ETV7: variants seen among roughly 807,000 people sequenced by gnomAD.
The protein encoded by ETV7 is transcription factor ETV7.
A neutral mutation model predicts 39.1 loss-of-function variants in ETV7; 43 were observed. The ratio of observed to expected loss-of-function variants is 1.10; its 90% confidence interval spans 0.86 to 1.42. The LOEUF is 1.42. ETV7 is among the 40% of genes most tolerant of loss of function. The probability of loss-of-function intolerance (pLI) is 0.00; values close to 1 mark genes in which losing one functional copy is unlikely to be tolerated. For synonymous variants in ETV7, 196 were observed against 176.6 expected (o/e 1.11, Z -0.87); for missense variants, 432 against 442.3 (o/e 0.98, Z 0.21).
chr6:36,373,784 T>A (rs973122601), intron 3 of ETV7, among the ~76,000 whole-genome samples: 3 of 152,240 alleles, frequency 2.0e-5, no homozygotes, highest in Non-Finnish European at 4.4e-5. Context: ...GGTGGATGAA[T>A]TTTAGAAAGA....
intron 2 of ETV7, among the ~76,000 whole-genome samples, chr6:36,380,621 T>C (rs540045939): frequency 2.6e-5 from 4 of 152,304 alleles, no homozygotes; most frequent in African/African-American, 9.6e-5. Flanking sequence ...CTCCCAGCTA[T>C]ATCACGTCCA....
Position 36,387,616 on chromosome 6 carries a change from C to G in ETV7, c.-75G>C. ...TGGCTGTGGCTGCTGGGGCCCTAGG[C>G]CCGCGCCCCGCAGTCCTCCTCCGCC... On this transcript the variant is annotated 5_prime_UTR_variant, in exon 1 of 8. Transcript: ENST00000340181. 1.3e-6 allele frequency: 2 copies of G among 1,559,530 alleles called. No individual in the cohort carries two copies. Among genetic ancestry groups the G allele is most frequent in the Non-Finnish European group, 1.8e-6 (2 of 1,136,324 alleles).
Position 36,368,961 on chromosome 6 carries a change from T to C in ETV7, c.775A>G (p.Asn259Asp), listed in dbSNP as rs921158136. ...TTTCCCCAGAGTCTGGCGAGCCCAT[T>C]TGGATCCACAACTCGGAAGATCTTG... ...DAKIFRVVDP[N>D]GLARLWGNHK... is the part of the protein sequence containing the mutation. Residue 259 changes from asparagine (N) to aspartate (D), a missense_variant, in exon 6 of 8, where the codon AAT (asparagine) becomes GAT (aspartate). Coordinates refer to ENST00000340181, the MANE Select transcript of ETV7 (RefSeq NM_016135.4). The C allele has an allele frequency of 6.2e-7, 1 of 1,614,126 alleles. No homozygotes were observed. Among genetic ancestry groups the C allele is most frequent in the Non-Finnish European group, 8.5e-7 (1 of 1,180,014 alleles).
rs1401687854 is a variant in ETV7 at position 36,385,610 on chromosome 6, G to A, written c.66C>T (p.Thr22=). The change falls in exon 2 of 8, where the codon ACC becomes ACT. Residue 22 remains threonine (T), a synonymous_variant. Coordinates refer to ENST00000340181, the MANE Select transcript of ETV7 (RefSeq NM_016135.4). ...SPVAAMPPLG[T]HVQARCEAQI... Reference sequence around the variant, plus strand: ...GAGCTTCACATCTGGCTTGCACGTGGGTGCCTAGGGGAGGCATGGCTGCCA... The same window carrying A: ...GAGCTTCACATCTGGCTTGCACGTGAGTGCCTAGGGGAGGCATGGCTGCCA... The A allele has an allele frequency of 1.2e-6, 2 of 1,614,072 alleles. No homozygotes were observed. Among genetic ancestry groups the A allele is most frequent in the African/African-American group, 2.7e-5 (2 of 74,930 alleles).
intron 4 of ETV7, among the ~76,000 whole-genome samples, 155 bp from the exon 5 acceptor site, chr6:36,371,715 G>A (rs1177575899): frequency 6.6e-6 from 1 of 152,220 alleles, no homozygotes; most frequent in Non-Finnish European, 1.5e-5. Context: ...GGCAGTGGGG[G>A]GCAGTGGGTG....
chr6:36,369,390 A>G (rs1772892487), intron 5 of ETV7, among the ~76,000 whole-genome samples: 1 of 152,224 alleles, frequency 6.6e-6, no homozygotes. Context: ...TCCACCCAGC[A>G]TCAGAGCCAT....
chr6:36,370,129 G>C (rs949328398), intron 5 of ETV7, among the ~76,000 whole-genome samples: 1 of 152,136 alleles, frequency 6.6e-6, no homozygotes, highest in African/African-American at 2.4e-5. Flanking sequence ...CAAAAGCCAG[G>C]CTTCTGCCCA....
chr6:36,355,397 T>C (rs1443508176), intron 7 of ETV7, among the ~76,000 whole-genome samples: 1 of 148,506 alleles, frequency 6.7e-6, no homozygotes, highest in Non-Finnish European at 1.5e-5. Flanking sequence ...TTCATAGACT[T>C]TTTTTTTTTT....
intron 1 of ETV7, among the ~76,000 whole-genome samples, chr6:36,385,935 G>A (rs1013820493): frequency 3.3e-5 from 5 of 152,158 alleles, no homozygotes; most frequent in African/African-American, 1.2e-4. Flanking sequence ...GCCAAGACTT[G>A]TATGATTGAA....
At position 36,371,504 on chromosome 6, in the gene ETV7, C is replaced by T. The variant is rs1428938210; in HGVS notation, c.490G>A (p.Asp164Asn). Residue 164 changes from aspartate to asparagine, a missense_variant, in exon 5 of 8, where the codon GAC becomes AAC. By Grantham distance (23) the Asp-to-Asn change is conservative. Transcript: ENST00000340181. ...CCGAAGTTGCTGGTAAGCCCTGGGT[C>T]TGGTGGCTGCAGCAGGTGGCCCCTT... ...TRRGHLLQPP[D>N]PGLTSNFGHL... The T allele has an allele frequency of 6.2e-7, 1 of 1,606,414 alleles. No individual in the cohort carries two copies.
At chr6:36,377,442 C>T (rs1474128825) in intron 2 of ETV7, among the ~76,000 whole-genome samples, 1 of 152,140 alleles carries the variant, frequency 6.6e-6, no homozygotes, top group Non-Finnish European at 1.5e-5. Flanking sequence ...GCCTGGGTGA[C>T]AGAGTGAGAC....
chr6:36,372,933 G>T (rs886779676), intron 4 of ETV7, among the ~76,000 whole-genome samples: 2 of 151,680 alleles, frequency 1.3e-5, no homozygotes, highest in African/African-American at 4.9e-5. Flanking sequence ...GCAGAGAGGG[G>T]TACCCCAACA....
At chr6:36,362,160 CG>C (rs1772510518), downstream of ETV7, among the ~76,000 whole-genome samples, 1 of 152,078 alleles carries the variant, frequency 6.6e-6, no homozygotes, top group Non-Finnish European at 1.5e-5. Flanking sequence ...TAGCCAGGCG[CG>C]GTGGCGGGCA....
At chr6:36,382,726 A>G (rs1184419109) in intron 2 of ETV7, among the ~76,000 whole-genome samples, 1 of 151,966 alleles carries the variant, frequency 6.6e-6, no homozygotes, top group African/African-American at 2.4e-5. Context: ...TCTCCTTGCA[A>G]CTCTGAATAT....
chr6:36,373,378 C>A, intron 4 of ETV7, 75 bp downstream of exon 4: 2 of 1,426,968 alleles, frequency 1.4e-6, no homozygotes, highest in Non-Finnish European at 1.8e-6. Context: ...CATTGCTTCG[C>A]CTTGAGGATG....
chr6:36,386,179 T>C (rs1011710959), intron 1 of ETV7, among the ~76,000 whole-genome samples: 2 of 152,154 alleles, frequency 1.3e-5, no homozygotes, highest in Admixed American at 1.3e-4. Context: ...AATACAAAAA[T>C]TAGCCGTGCG....
At chr6:36,380,795 C>G (rs1255620237) in intron 2 of ETV7, among the ~76,000 whole-genome samples, 3 of 152,232 alleles carry the variant, frequency 2.0e-5, no homozygotes, top group Middle Eastern at 3.4e-3. Flanking sequence ...AAATAAATTG[C>G]TTAAATAAGT....
chr6:36,357,646 G>T (rs1772375507), intron 7 of ETV7, among the ~76,000 whole-genome samples: 1 of 152,142 alleles, frequency 6.6e-6, no homozygotes. Flanking sequence ...GGAGGTCAAG[G>T]CAGGCAGATC....
chr6:36,387,594 C>A lies in ETV7; in HGVS notation c.-53G>T. The A allele has an allele frequency of 6.2e-7, 1 of 1,609,438 alleles. No individual in the cohort carries two copies. The highest frequency in any genetic ancestry group is 8.5e-7 in the Non-Finnish European group (1 of 1,177,164). On this transcript the variant is annotated 5_prime_UTR_variant, in exon 1 of 8. Transcript: ENST00000340181. ...CTTTCTGTCTTGAGCGCTCCCCTGG[C>A]TGTGGCTGCTGGGGCCCTAGGCCCG...
Sources: allele counts gnomAD v4.1 joint callset (sites outside exome capture counted in the v4.1 genomes callset), GRCh38; gene constraint gnomAD v4.1.1; transcripts MANE v1.5; gene names NCBI Gene and HGNC (gene_info 2026-07-23, HGNC 2026-07-21).